Variants in ABCA8 observed in about 807,000 individuals in gnomAD.
ABCA8 encodes the protein ATP binding cassette subfamily A member 8.
A neutral mutation model predicts 192.3 loss-of-function variants in ABCA8; 177 were observed. That is an observed-to-expected ratio of 0.92 (90% CI 0.81 to 1.04). ABCA8 has a LOEUF of 1.04. Among genes scored for constraint, ABCA8 ranks in the 50% least tolerant of loss-of-function variants. The probability of loss-of-function intolerance (pLI) is 0.00; values close to 1 mark genes in which losing one functional copy is unlikely to be tolerated. For synonymous variants in ABCA8, 642 were observed against 690.2 expected, an observed-to-expected ratio of 0.93 and a Z score of 1.09; for missense variants, 1,915 against 1,904.8, an observed-to-expected ratio of 1.01 and a Z score of -0.10.
intron 21 of ABCA8, among the ~76,000 whole-genome samples, chr17:68,898,448 A>G (rs1459804941): frequency 6.6e-6 from 1 of 152,192 alleles, no homozygotes; most frequent in Non-Finnish European, 1.5e-5. Flanking sequence ...GTTATAGCAG[A>G]CTTGCCTTAT....
Position 68,953,863 on chromosome 17 carries a change from G to C in ABCA8, c.-167+1356C>G, listed in dbSNP as rs553239288. Among the ~76,000 whole-genome samples, 10 of 152,132 alleles carry C rather than the reference G, an allele frequency of 6.6e-5. No homozygotes were observed. The East Asian group carries it at 1.9e-3, about 29-fold the overall frequency. ...TCTGCTGCTGTACTTCTCCTCTCTGGTTACTGATGCAATTATCTATAGAAG... is the reference window on the plus strand; with the variant it reads ...TCTGCTGCTGTACTTCTCCTCTCTGCTTACTGATGCAATTATCTATAGAAG... On this transcript the variant is annotated intron_variant, in intron 1 of 39. Transcript: ENST00000586539.
chr17:68,894,532 G>A (rs1373066), intron 22 of ABCA8, among the ~76,000 whole-genome samples: 125,294 of 152,210 alleles, frequency 0.82, 52,176 homozygotes, highest in East Asian at 1. Context: ...TTAGGACACC[G>A]GATGTCTTGC....
intron 13 of ABCA8, among the ~76,000 whole-genome samples, chr17:68,920,163 T>C (rs1477096545): frequency 6.6e-6 from 1 of 152,152 alleles, no homozygotes; most frequent in African/African-American, 2.4e-5. Context: ...GAAAATGAAA[T>C]ACCATATGTT....
Position 68,911,487 on chromosome 17 carries a change from C to T in ABCA8, c.2139-3608G>A, listed in dbSNP as rs920473469. Among the ~76,000 whole-genome samples the T allele has an allele frequency of 6.6e-6, 1 of 152,088 alleles. No homozygotes were observed. Among genetic ancestry groups the T allele is most frequent in the African/African-American group, 2.4e-5 (1 of 41,386 alleles). ...CTTCCTCCCAGAAGGCATTTCTGGA[C>T]CCACCCTGGGCCAGTGGGAAGCTTG... On this transcript the variant is annotated intron_variant, in intron 17 of 39. Transcript: ENST00000586539. This position sits in a 1 kb window ranked among gnomAD's most constrained non-coding sequence, Gnocchi z 5.7.
At chr17:68,915,635 G>A (rs924159813) in intron 17 of ABCA8, among the ~76,000 whole-genome samples, 8 of 152,126 alleles carry the variant, frequency 5.3e-5, no homozygotes, top group African/African-American at 1.9e-4. Flanking sequence ...ACAAATGCTG[G>A]CAAGGATGTG....
intron 17 of ABCA8, among the ~76,000 whole-genome samples, chr17:68,908,584 A>C (rs893796962): frequency 7.9e-5 from 12 of 152,228 alleles, no homozygotes; most frequent in Admixed American, 6.5e-5. Context: ...CTAATAATGG[A>C]TGAATGTGGT....
Position 68,929,193 on chromosome 17 carries a change from A to G in ABCA8, c.981T>C (p.Ser327=), listed in dbSNP as rs112947975. The G allele has an allele frequency of 6.2e-7, 1 of 1,606,240 alleles. No homozygotes were observed. Among genetic ancestry groups the G allele is most frequent in the Non-Finnish European group, 8.5e-7 (1 of 1,176,358 alleles). ...GGAACACGACCAGGCCGGTGAGGAA[A>G]GATTTCTTTACCAAGATGCTCATTA... ...AFLMSILVKK[S]FLTGLVVFLL... Residue 327 remains serine (S), a synonymous_variant, in exon 9 of 40, where the codon TCT becomes TCC. Transcript: ENST00000586539.
chr17:68,907,891 A>G lies in ABCA8; in HGVS notation c.2139-12T>C, dbSNP rs1434460183. 6.2e-5 allele frequency: 21 copies of G among 340,002 alleles called. No homozygotes were observed. Among genetic ancestry groups the G allele is most frequent in the African/African-American group, 2.6e-4 (3 of 11,666 alleles). The allele number at this position is 340,002 out of a possible 1,614,324, so 21.1% of individuals were successfully genotyped here. On this transcript the variant is annotated splice_polypyrimidine_tract_variant and intron_variant, in intron 17 of 39. Coordinates refer to ENST00000586539, the MANE Select transcript of ABCA8 (RefSeq NM_001288985.2). ...CATTTAACTGCAAGCTGGCATTCAG[A>G]AAAAAAAAAAAAGACATATGTTACT...
At chr17:68,902,463 AC>A (rs1361368133) in intron 21 of ABCA8, among the ~76,000 whole-genome samples, 3 of 152,202 alleles carry the variant, frequency 2.0e-5, no homozygotes, top group Admixed American at 2.0e-4. Context: ...ATCTTAATGA[AC>A]CTGTTAAAAA....
rs914937176 is a variant in ABCA8, at chr17:68,884,465, A to C, written c.3550-69T>G. On this transcript the variant is annotated intron_variant, in intron 27 of 39. Transcript: ENST00000586539. Reference sequence around the variant, plus strand: ...CCTGAATTTTGTCCACATATACGTGAATTGGCCCTAAACAGCCCTGCTAAC... The same window carrying C: ...CCTGAATTTTGTCCACATATACGTGCATTGGCCCTAAACAGCCCTGCTAAC... 1.6e-5 allele frequency: 24 copies of C among 1,495,376 alleles called. 1 individual carries two copies. In the South Asian group the frequency reaches 3.3e-4, roughly 21 times the overall value. 92.6% of individuals were successfully genotyped at this position (1,495,376 alleles called of 1,614,324 possible). A position where few individuals can be genotyped will look rare whatever the true frequency, so the allele number is the denominator to read the frequency against.
chr17:68,950,454 T>G (rs539274961), intron 1 of ABCA8, among the ~76,000 whole-genome samples: 30 of 152,298 alleles, frequency 2.0e-4, no homozygotes, highest in African/African-American at 6.0e-4. Flanking sequence ...TTTAGATTTA[T>G]TAGCATGAAT....
chr17:68,889,741 G>GATTTTTT (rs1211208149), intron 24 of ABCA8, among the ~76,000 whole-genome samples: 5 of 152,070 alleles, frequency 3.3e-5, no homozygotes, highest in African/African-American at 1.2e-4. Flanking sequence ...CCTGCCTTCT[G>GATTTTTT]TCACTATAGA....
intron 12 of ABCA8, 30 bp from the exon 13 acceptor site, chr17:68,921,522 A>G (rs757640666): frequency 6.8e-7 from 1 of 1,468,986 alleles, no homozygotes; most frequent in Middle Eastern, 1.7e-4. Flanking sequence ...GGAAAGAAAG[A>G]TAAGATAAAG....
intron 24 of ABCA8, among the ~76,000 whole-genome samples, chr17:68,887,917 T>TTATATATAG (rs1567830624): frequency 4.1e-5 from 2 of 48,578 alleles, no homozygotes; most frequent in Admixed American, 2.6e-4. Flanking sequence ...TCCATATATA[T>TTATATATAG]ATATATATTA....
chr17:68,885,188 T>C lies in ABCA8; in HGVS notation c.3549+8A>G. Reference sequence around the variant, plus strand: ...CAAGGGACTGGGACAGACTGTGTCATTACTTACATGAGAAGATAAGAACAA... The same window carrying C: ...CAAGGGACTGGGACAGACTGTGTCACTACTTACATGAGAAGATAAGAACAA... On this transcript the variant is annotated splice_region_variant and intron_variant, in intron 27 of 39. Transcript: ENST00000586539. The C allele has an allele frequency of 6.2e-7, 1 of 1,611,088 alleles. No homozygotes were observed. Among genetic ancestry groups the C allele is most frequent in the Non-Finnish European group, 8.5e-7 (1 of 1,178,674 alleles).
chr17:68,882,572 TA>T lies in ABCA8; in HGVS notation c.3828+26del. The T allele has an allele frequency of 8.2e-6, 13 of 1,592,428 alleles. No homozygotes were observed. In the South Asian group the frequency reaches 1.2e-4, roughly 15 times the overall value. On this transcript the variant is annotated intron_variant, in intron 30 of 39. Transcript: ENST00000586539. ...AGAATTAGACTGGTAGACTGACTAA[TA>T]AAAAAACCTTTGTGTTATGTTTTAC...
intron 21 of ABCA8, among the ~76,000 whole-genome samples, chr17:68,902,464 C>T (rs1268583158): frequency 6.6e-6 from 1 of 152,076 alleles, no homozygotes; most frequent in African/African-American, 2.4e-5. Flanking sequence ...TCTTAATGAA[C>T]CTGTTAAAAA....
intron 11 of ABCA8, 31 bp downstream of exon 11, chr17:68,924,670 T>C: frequency 6.3e-7 from 1 of 1,598,500 alleles, no homozygotes; most frequent in Non-Finnish European, 8.5e-7. Flanking sequence ...TCCTGCCTTT[T>C]TGCCCTGTTC....
chr17:68,935,406 C>A (rs960688359), intron 5 of ABCA8, among the ~76,000 whole-genome samples: 43 of 151,382 alleles, frequency 2.8e-4, no homozygotes, highest in African/African-American at 9.7e-4. Context: ...CATGAGCCAC[C>A]ACGCCCGGCC....
Sources: gnomAD v4.1 joint callset for allele counts (sites outside exome capture counted in the v4.1 genomes callset) on GRCh38, gnomAD v4.1.1 for gene constraint, Gnocchi (gnomAD v3.1) non-coding constraint, MANE v1.5 for transcripts, NCBI Gene and HGNC (gene_info 2026-07-23, HGNC 2026-07-21) for gene names.